Variants in SHANK2 observed in about 807,000 individuals in gnomAD.
The protein encoded by SHANK2 is SH3 and multiple ankyrin repeat domains protein 2.
In SHANK2, 43 loss-of-function variants were observed where a neutral mutation model predicts 133.7. That is an observed-to-expected ratio of 0.32 (90% CI 0.25 to 0.41). The LOEUF is 0.41. Ranked by LOEUF, SHANK2 falls within the 10% of genes least tolerant of loss-of-function variation. The pLI is 1.00. For missense variants in SHANK2, 1,994 were observed against 2,235.8 expected (o/e 0.89, Z 2.18); for synonymous variants, 1,017 against 952.8 (o/e 1.07, Z -1.24).
chr11:70,482,669 G>T (rs2058751580), intron 25 of SHANK2, among the ~76,000 whole-genome samples: 1 of 152,224 alleles, frequency 6.6e-6, no homozygotes, highest in African/African-American at 2.4e-5. Flanking sequence ...TTGTGTCATA[G>T]GTGTGGGCTC....
chr11:70,850,378 C>G (rs782413404), intron 11 of SHANK2, among the ~76,000 whole-genome samples: 3 of 152,206 alleles, frequency 2.0e-5, no homozygotes, highest in Non-Finnish European at 4.4e-5. Context: ...GTTTTTGATG[C>G]ATTTTTTCAA....
intron 11 of SHANK2, among the ~76,000 whole-genome samples, chr11:70,839,056 C>T (rs1333228142): frequency 1.3e-5 from 2 of 152,180 alleles, no homozygotes; most frequent in African/African-American, 4.8e-5. Flanking sequence ...CTGTAATTAA[C>T]AGGAGGGTTA....
At chr11:71,126,148 C>G (rs79696103) in intron 3 of SHANK2, among the ~76,000 whole-genome samples, 28,789 of 131,134 alleles carry the variant, frequency 0.22, 3,060 homozygotes, top group South Asian at 0.34. Context: ...AACCCAGGAA[C>G]AGGATGTTGC....
At chr11:70,844,366 G>C (rs373540529) in intron 11 of SHANK2, among the ~76,000 whole-genome samples, 1 of 150,930 alleles carries the variant, frequency 6.6e-6, no homozygotes, top group African/African-American at 2.4e-5. Flanking sequence ...CGGGGGCGGG[G>C]CATGAAAATC....
chr11:70,794,967 A>G (rs1555048815), intron 14 of SHANK2, among the ~76,000 whole-genome samples: 1 of 152,116 alleles, frequency 6.6e-6, no homozygotes. Context: ...CCTGTATGTA[A>G]ATCACACCTC....
At chr11:70,795,931 C>T (rs782495281) in intron 14 of SHANK2, among the ~76,000 whole-genome samples, 1 of 152,196 alleles carries the variant, frequency 6.6e-6, no homozygotes, top group Admixed American at 6.5e-5. Flanking sequence ...GACTCACACC[C>T]GCATCAGCCC....
intron 15 of SHANK2, among the ~76,000 whole-genome samples, chr11:70,679,986 C>T (rs1464457643): frequency 2.0e-5 from 3 of 152,278 alleles, no homozygotes; most frequent in Admixed American, 6.5e-5. Flanking sequence ...CCACGGAGGC[C>T]GACGGGTGGG....
intron 14 of SHANK2, among the ~76,000 whole-genome samples, chr11:70,723,745 A>G (rs1946116747): frequency 1.3e-5 from 2 of 152,326 alleles, no homozygotes; most frequent in Middle Eastern, 3.4e-3. Context: ...GTGTAACACT[A>G]TAAAATACTC....
chr11:71,216,989 G>A (rs1156359531), intron 2 of SHANK2, among the ~76,000 whole-genome samples: 1 of 152,072 alleles, frequency 6.6e-6, no homozygotes, highest in Non-Finnish European at 1.5e-5. Context: ...CTGAGGTCAG[G>A]AGTTTGAGAC....
chr11:70,813,633 G>A (rs1555053659), intron 12 of SHANK2, among the ~76,000 whole-genome samples: 2 of 152,096 alleles, frequency 1.3e-5, no homozygotes, highest in Non-Finnish European at 2.9e-5. Context: ...AAAGCTGTCA[G>A]CTCAGGTCTC....
chr11:70,743,227 G>C (rs538688795), intron 14 of SHANK2, among the ~76,000 whole-genome samples: 1 of 152,226 alleles, frequency 6.6e-6, no homozygotes, highest in Admixed American at 6.5e-5. Flanking sequence ...CAGGGGCAGC[G>C]CTCGAGCTGC....
intron 11 of SHANK2, among the ~76,000 whole-genome samples, chr11:70,881,562 T>TAATAATAATAATAA (rs1565380917): frequency 4.2e-5 from 1 of 24,026 alleles, no homozygotes; most frequent in African/African-American, 5.6e-5. Context: ...AATAATAATA[T>TAATAATAATAATAA]TAATAATAAT....
intron 17 of SHANK2, among the ~76,000 whole-genome samples, chr11:70,556,019 A>C (rs1554979473): frequency 6.6e-6 from 1 of 152,226 alleles, no homozygotes; most frequent in African/African-American, 2.4e-5. Flanking sequence ...TGCGAGGTGA[A>C]ACAGCAAGTG....
At chr11:70,897,836 A>G (rs1949958898) in intron 10 of SHANK2, among the ~76,000 whole-genome samples, 1 of 152,152 alleles carries the variant, frequency 6.6e-6, no homozygotes, top group Non-Finnish European at 1.5e-5. Context: ...TTTTTCTTAA[A>G]GAATATTTTT....
intron 1 of SHANK2, among the ~76,000 whole-genome samples, chr11:71,225,736 G>A (rs1056106143): frequency 1.3e-5 from 2 of 152,118 alleles, no homozygotes; most frequent in Non-Finnish European, 2.9e-5. Flanking sequence ...ATGCTTCCAC[G>A]AACAATTAGG....
rs1951236635 is a variant in SHANK2 at position 71,077,448 on chromosome 11, G to A, written c.913-2173C>T. On this transcript the variant is annotated intron_variant, in intron 8 of 25. Coordinates refer to ENST00000601538, the MANE Select transcript of SHANK2 (RefSeq NM_012309.5). ...TGAAACGGAACCGCTGACTCCGGGT[G>A]GATGTCTCGTAGGCGTGTTCCCAAG... is the stretch of plus-strand genomic sequence containing the variant. Among the ~76,000 whole-genome samples, 4 of 152,292 alleles carry A rather than the reference G, an allele frequency of 2.6e-5. No homozygotes were observed. The South Asian group carries it at 8.3e-4, about 32-fold the overall frequency.
chr11:70,881,430 T>C (rs1949657895), intron 11 of SHANK2, among the ~76,000 whole-genome samples: 1 of 151,914 alleles, frequency 6.6e-6, no homozygotes, highest in African/African-American at 2.4e-5. Flanking sequence ...CAATGGCTAA[T>C]GGGGTTGGTT....
intron 8 of SHANK2, among the ~76,000 whole-genome samples, chr11:71,082,953 C>A (rs1419275932): frequency 6.7e-6 from 1 of 148,688 alleles, no homozygotes; most frequent in Non-Finnish European, 1.5e-5. Context: ...GCCCCCCCCC[C>A]AACCCTTCTG....
rs149432761 is a variant in SHANK2, at chr11:70,908,385, G to A, written c.1108-11818C>T. ...GCAGACCAGGCTGGCTTCCTTACAC[G>A]GTGTCCTCAGGACAGTGCTCCACAT... On this transcript the variant is annotated intron_variant, in intron 10 of 25. Transcript: ENST00000601538. 4.4e-3 allele frequency among the ~76,000 whole-genome samples: 676 copies of A among 152,240 alleles called. 1 individual carries two copies. Among genetic ancestry groups the A allele is most frequent in the Non-Finnish European group, 6.6e-3 (452 of 68,024 alleles).
Sources: allele counts gnomAD v4.1 joint callset (sites outside exome capture counted in the v4.1 genomes callset), GRCh38; gene constraint gnomAD v4.1.1; transcripts MANE v1.5; gene names NCBI Gene and HGNC (gene_info 2026-07-23, HGNC 2026-07-21).